The following GFPT2 variants were observed in gnomAD, a reference collection of about 807,000 sequenced individuals.
GFPT2 encodes the protein glutamine--fructose-6-phosphate aminotransferase [isomerizing] 2.
In GFPT2, 62 loss-of-function variants were observed where a neutral mutation model predicts 85.6. The ratio of observed to expected loss-of-function variants is 0.72; its 90% confidence interval spans 0.59 to 0.90. The LOEUF (loss-of-function observed/expected upper bound fraction) is 0.90, where lower values mean the gene tolerates loss of function less well. GFPT2 is among the 40% of genes least tolerant of loss of function. The probability of loss-of-function intolerance (pLI) is 0.00; values close to 1 mark genes in which losing one functional copy is unlikely to be tolerated. For synonymous variants in GFPT2, 368 were observed against 344.5 expected (o/e 1.07, Z -0.75); for missense variants, 788 against 893.4 (o/e 0.88, Z 1.50).
At chr5:180,350,010 A>G (rs545439860) in intron 1 of GFPT2, among the ~76,000 whole-genome samples, 51 of 151,778 alleles carry the variant, frequency 3.4e-4, no homozygotes, top group African/African-American at 1.2e-3. Context: ...ATGCTGCCAC[A>G]CTCCAGCTCA....
intron 9 of GFPT2, among the ~76,000 whole-genome samples, chr5:180,321,269 T>C (rs1003817704): frequency 2.4e-4 from 36 of 152,352 alleles, no homozygotes; most frequent in Admixed American, 1.0e-3. Flanking sequence ...ACTGCTTCCA[T>C]TGTAGCATTA....
intron 13 of GFPT2, among the ~76,000 whole-genome samples, chr5:180,315,213 T>A (rs1166927229): frequency 6.6e-6 from 1 of 151,792 alleles, no homozygotes; most frequent in Non-Finnish European, 1.5e-5. Context: ...AGTCTCGCTC[T>A]GTCGCCCAGG....
chr5:180,317,758 C>CAAAA (rs11356791), intron 10 of GFPT2, among the ~76,000 whole-genome samples: 1 of 83,198 alleles, frequency 1.2e-5, no homozygotes, highest in Non-Finnish European at 2.3e-5. Context: ...GACTCCGTCT[C>CAAAA]AAAAAAAAAA....
In GFPT2 at chr5:180,312,478, G is replaced by A; in HGVS notation, c.1498C>T (p.Leu500=). 6.2e-7 allele frequency: 1 copy of A among 1,611,110 alleles called. No homozygotes were observed. The highest frequency in any genetic ancestry group is 8.5e-7 in the Non-Finnish European group (1 of 1,177,248). The change falls in exon 15 of 19, where the codon CTA becomes TTA. Residue 500 remains leucine (L), a synonymous_variant. Coordinates refer to ENST00000253778, the MANE Select transcript of GFPT2 (RefSeq NM_005110.4). ...ATGATCTCTTGCCTCCTGTTTTGTA[G>A]TGAAATTCGGTCTTCAGACATCATC... is the stretch of plus-strand genomic sequence containing the variant. ...GLMMSEDRIS[L]QNRRQEIIRG...
At chr5:180,313,715 G>T in intron 14 of GFPT2, 92 bp downstream of exon 14, 1 of 1,103,124 alleles carries the variant, frequency 9.1e-7, no homozygotes, top group South Asian at 1.6e-5. Flanking sequence ...GAAAGGCGGT[G>T]GCGCGGGCAG....
At chr5:180,324,074 G>A (rs946664634) in intron 9 of GFPT2, 114 bp downstream of exon 9, 8 of 711,912 alleles carry the variant, frequency 1.1e-5, no homozygotes, top group African/African-American at 5.3e-5. Context: ...TTGGCCCTGC[G>A]ACTTGCTGAG....
rs1764249020 is a variant in GFPT2, at chr5:180,328,340, T to C, written c.535-2A>G. 4.3e-6 allele frequency: 7 copies of C among 1,611,920 alleles called. No individual in the cohort carries two copies. The highest frequency in any genetic ancestry group is 5.9e-6 in the Non-Finnish European group (7 of 1,178,130). On this transcript the variant is annotated splice_acceptor_variant, in intron 6 of 18. Transcript: ENST00000253778. LOFTEE classifies it high-confidence loss of function. The surrounding 1 kb of genome is among the most constrained non-coding windows in gnomAD (Gnocchi z 5.4). ...GAAAACCAGCGCGAATGCACCTTCCTGAAAACACACAAACAGTGAGGGTCA... is the reference window on the plus strand; with the variant it reads ...GAAAACCAGCGCGAATGCACCTTCCCGAAAACACACAAACAGTGAGGGTCA...
chr5:180,327,098 C>T (rs1318117746), intron 7 of GFPT2, among the ~76,000 whole-genome samples: 1 of 152,298 alleles, frequency 6.6e-6, no homozygotes, highest in African/African-American at 2.4e-5. Context: ...TGAGATACTA[C>T]GCCAGTCTGG....
chr5:180,352,978 C>A, intron 1 of GFPT2: 1 of 392,994 alleles, frequency 2.5e-6, no homozygotes, highest in Non-Finnish European at 4.5e-6. Flanking sequence ...GTGTCCGAGA[C>A]CAGGAGTCGG....
At chr5:180,311,115 A>G (rs1001327432) in intron 15 of GFPT2, among the ~76,000 whole-genome samples, 1 of 152,192 alleles carries the variant, frequency 6.6e-6, no homozygotes. Context: ...CCCTTCCCCA[A>G]CTGCCTGCTC....
intron 5 of GFPT2, 65 bp downstream of exon 5, chr5:180,331,430 G>T: frequency 2.2e-6 from 2 of 929,558 alleles, no homozygotes; most frequent in Non-Finnish European, 3.6e-6. Flanking sequence ...AAATGAGCTG[G>T]CTGGAAAGTT....
chr5:180,314,173 T>C (rs1186890849), intron 13 of GFPT2, among the ~76,000 whole-genome samples: 1 of 152,214 alleles, frequency 6.6e-6, no homozygotes, highest in Non-Finnish European at 1.5e-5. Context: ...CATCTTTTCA[T>C]TTAAATCTCG....
At position 180,329,348 on chromosome 5, in the gene GFPT2, A is replaced by G. The variant is rs569375753; in HGVS notation, c.535-1010T>C. 5.9e-5 allele frequency among the ~76,000 whole-genome samples: 9 copies of G among 152,336 alleles called. No homozygotes were observed. In the East Asian group the frequency reaches 7.7e-4, roughly 13 times the overall value. On this transcript the variant is annotated intron_variant, in intron 6 of 18. Transcript: ENST00000253778. ...GCAGACCCTGGTGCTTTTGTCAACAATAAAATAGGACTGAATGGAAAAACA... is the reference window on the plus strand; with the variant it reads ...GCAGACCCTGGTGCTTTTGTCAACAGTAAAATAGGACTGAATGGAAAAACA...
chr5:180,316,568 C>T (rs571935598), intron 12 of GFPT2, 107 bp from the exon 13 acceptor site: 2 of 1,310,002 alleles, frequency 1.5e-6, no homozygotes, highest in African/African-American at 2.9e-5. Flanking sequence ...CCTCACTGTC[C>T]AGGTGGCGAG....
chr5:180,347,457 C>T (rs776158312), intron 1 of GFPT2, among the ~76,000 whole-genome samples: 1 of 152,130 alleles, frequency 6.6e-6, no homozygotes, highest in African/African-American at 2.4e-5. Context: ...TAAAATGAAC[C>T]GGGAAAGGTC....
Position 180,335,751 on chromosome 5 carries a change from C to A in GFPT2, c.340+77G>T, listed in dbSNP as rs1764380277. The A allele has an allele frequency of 4.1e-6, 6 of 1,480,766 alleles. No individual in the cohort carries two copies. The South Asian group carries it at 7.6e-5, about 19-fold the overall frequency. 91.7% of individuals were successfully genotyped at this position (1,480,766 alleles called of 1,614,324 possible). A position where few individuals can be genotyped will look rare whatever the true frequency, so the allele number is the denominator to read the frequency against. ...AAGTCAGTTAGAGGTGGGCGCGGAA[C>A]CTGCTTTGGCGGGCACTGGCCCTGA... On this transcript the variant is annotated intron_variant, in intron 4 of 18. Transcript: ENST00000253778.
chr5:180,324,699 G>A (rs539765309), intron 8 of GFPT2, 117 bp downstream of exon 8: 1 of 741,824 alleles, frequency 1.3e-6, no homozygotes, highest in Admixed American at 1.9e-5. Flanking sequence ...TGCGCCTGTT[G>A]GGTCTGGCTC....
At chr5:180,307,026 C>A in intron 16 of GFPT2, 150 bp downstream of exon 16, 1 of 623,044 alleles carries the variant, frequency 1.6e-6, no homozygotes, top group Non-Finnish European at 2.8e-6. Context: ...TGGTGGAGAG[C>A]TGGTGCTCAG....
Position 180,316,457 on chromosome 5 carries a change from C to T in GFPT2, c.1157G>A (p.Arg386Gln), listed in dbSNP as rs1764011788. The change falls in exon 13 of 19, where the codon CGG (arginine) becomes CAG (glutamine). Residue 386 changes from arginine (R) to glutamine (Q), a missense_variant. Coordinates refer to ENST00000253778, the MANE Select transcript of GFPT2 (RefSeq NM_005110.4). ...CTCAGTCAGTTCCTCCAAAACTTGCCGCGTCTGAAGCCAACAAGCAAGCAT... is the reference window on the plus strand; with the variant it reads ...CTCAGTCAGTTCCTCCAAAACTTGCTGCGTCTGAAGCCAACAAGCAAGCAT... ...GTSYHAAVATRQVLEELTELP... is the reference protein window; with the variant it reads ...GTSYHAAVATQQVLEELTELP... The T allele has an allele frequency of 7.4e-6, 12 of 1,613,950 alleles. No individual in the cohort carries two copies. The highest frequency in any genetic ancestry group is 1.3e-5 in the African/African-American group (1 of 74,898).
Sources: allele counts gnomAD v4.1 joint callset (sites outside exome capture counted in the v4.1 genomes callset), GRCh38; gene constraint gnomAD v4.1.1; non-coding constraint Gnocchi (gnomAD v3.1); transcripts MANE v1.5; gene names NCBI Gene and HGNC (gene_info 2026-07-23, HGNC 2026-07-21).